DNM2: variants seen among roughly 807,000 people sequenced by gnomAD.
The protein encoded by DNM2 is dynamin 2, also known as dynamin-2.
A neutral mutation model predicts 99.0 loss-of-function variants in DNM2; 15 were observed. That is an observed-to-expected ratio of 0.15 (90% CI 0.10 to 0.23). The LOEUF is 0.23. Ranked by LOEUF, DNM2 falls within the 10% of genes least tolerant of loss-of-function variation. The pLI, the probability that DNM2 is intolerant of heterozygous loss-of-function variation, is 1.00. For synonymous variants in DNM2, 525 were observed against 481.2 expected (o/e 1.09, Z -1.19); for missense variants, 742 against 1,189.4 (o/e 0.62, Z 5.53).
rs45478694 is a variant in DNM2, at chr19:10,796,274, C to T, written c.1196+835C>T. ...CGGGGGTTTGGTATCAGGCTCCCAGCGCCTCATTGGCCCCCACTGGTGCCT... is the reference window on the plus strand; with the variant it reads ...CGGGGGTTTGGTATCAGGCTCCCAGTGCCTCATTGGCCCCCACTGGTGCCT... On this transcript the variant is annotated intron_variant, in intron 9 of 20. Transcript: ENST00000389253. The surrounding 1 kb of genome is among the most constrained non-coding windows in gnomAD (Gnocchi z 5.6). 3.5e-5 allele frequency: 56 copies of T among 1,603,004 alleles called. No homozygotes were observed. Among genetic ancestry groups the T allele is most frequent in the Non-Finnish European group, 4.6e-5 (54 of 1,172,616 alleles).
At chr19:10,786,849 C>A in intron 7 of DNM2, 143 bp downstream of exon 7, 1 of 1,496,742 alleles carries the variant, frequency 6.7e-7, no homozygotes, top group South Asian at 1.2e-5. Context: ...GCGTGCCAGG[C>A]TCCATCCTAA....
chr19:10,783,703 TTA>T (rs1407841576), intron 6 of DNM2, among the ~76,000 whole-genome samples: 132 of 140,656 alleles, frequency 9.4e-4, no homozygotes, highest in African/African-American at 2.3e-3. Context: ...ATTATTATTA[TTA>T]TTTTTTATTT....
intron 7 of DNM2, among the ~76,000 whole-genome samples, chr19:10,791,862 G>A (rs2071764818): frequency 6.6e-6 from 1 of 152,206 alleles, no homozygotes; most frequent in South Asian, 2.1e-4. Context: ...AAGGCGGGCG[G>A]ATCACTTGAG....
chr19:10,760,985 T>C (rs1157750328), intron 2 of DNM2, among the ~76,000 whole-genome samples: 5 of 151,628 alleles, frequency 3.3e-5, no homozygotes, highest in African/African-American at 1.2e-4. Context: ...TTATTTTTTA[T>C]TTTATTTATT....
intron 1 of DNM2, among the ~76,000 whole-genome samples, chr19:10,726,107 T>C (rs1294133402): frequency 6.6e-6 from 1 of 151,714 alleles, no homozygotes; most frequent in African/African-American, 2.4e-5. Flanking sequence ...TAGTCCCAGC[T>C]GCTCGGGAGG....
In DNM2 at chr19:10,818,828, A is replaced by C. The variant is rs974518052; in HGVS notation, c.1672-1152A>C. ...TTGGGTCACAGAGACCTGGCCTCTG[A>C]AGTCCTGCTGTGGCTTGCGCTGCCT... On this transcript the variant is annotated intron_variant, in intron 15 of 20. Coordinates refer to ENST00000389253, the MANE Select transcript of DNM2 (RefSeq NM_001005361.3). This position sits in a 1 kb window ranked among gnomAD's most constrained non-coding sequence, Gnocchi z 4.3. Among the ~76,000 whole-genome samples the C allele has an allele frequency of 2.0e-5, 3 of 152,172 alleles. No homozygotes were observed. The highest frequency in any genetic ancestry group is 7.2e-5 in the African/African-American group (3 of 41,436).
At chr19:10,826,931 A>G (rs962550099) in intron 18 of DNM2, among the ~76,000 whole-genome samples, 1 of 151,930 alleles carries the variant, frequency 6.6e-6, no homozygotes. Context: ...TCAACCACAG[A>G]AACCTGCGGA....
rs1317817438 is a variant in DNM2, at chr19:10,783,098, A to G, written c.827A>G (p.His276Arg). Residue 276 changes from histidine (H) to arginine (R), a missense_variant, in exon 6 of 21, where the codon CAT becomes CGT. By Grantham distance (29) the His-to-Arg change is conservative (BLOSUM62 0). Coordinates refer to ENST00000389253, the MANE Select transcript of DNM2 (RefSeq NM_001005361.3). ...RHMADRMGTP[H>R]LQKTLNQQLT... ...ATGGCCGACCGCATGGGCACGCCACATCTGCAGAAGACGCTGAATCAGGTA... is the reference window on the plus strand; with the variant it reads ...ATGGCCGACCGCATGGGCACGCCACGTCTGCAGAAGACGCTGAATCAGGTA... 3 of 1,612,866 alleles carry G rather than the reference A, an allele frequency of 1.9e-6. No homozygotes were observed. The highest frequency in any genetic ancestry group is 2.7e-5 in the African/African-American group (2 of 74,962).
intron 1 of DNM2, among the ~76,000 whole-genome samples, chr19:10,718,849 TG>T (rs1401567503): frequency 1.3e-5 from 2 of 152,270 alleles, no homozygotes; most frequent in East Asian, 3.9e-4. Context: ...CCCCGCCGTC[TG>T]GTTGGCTGTC....
intron 1 of DNM2, among the ~76,000 whole-genome samples, chr19:10,742,079 G>A (rs2069772966): frequency 1.3e-5 from 2 of 151,758 alleles, no homozygotes; most frequent in African/African-American, 4.8e-5. Flanking sequence ...ATAGCTGCAA[G>A]TATTCCTGGG....
At position 10,794,876 on chromosome 19, in the gene DNM2, T is replaced by A. The variant is rs78994877; in HGVS notation, c.1129-496T>A. ...CAATATGATGAGAGAGTTGGTGTCATGTCATGCTTTCTGAAACTGGGTTTT... is the reference window on the plus strand; with the variant it reads ...CAATATGATGAGAGAGTTGGTGTCAAGTCATGCTTTCTGAAACTGGGTTTT... On this transcript the variant is annotated intron_variant, in intron 8 of 20. Transcript: ENST00000389253. 3.9e-3 allele frequency among the ~76,000 whole-genome samples: 594 copies of A among 152,342 alleles called. 4 individuals carry two copies. The highest frequency in any genetic ancestry group is 0.013 in the African/African-American group (558 of 41,576).
rs1862203120 is a variant in DNM2 at position 10,830,146 on chromosome 19, C to A, written c.2311C>A (p.Pro771Thr). 1.2e-6 allele frequency: 2 copies of A among 1,613,894 alleles called. No homozygotes were observed. The highest frequency in any genetic ancestry group is 8.5e-7 in the Non-Finnish European group (1 of 1,179,838). The stretch of plus-strand genomic sequence containing the variant: ...TCACAGCCCCACTCCACAGCGCCGA[C>A]CGGTGTCCAGCATACACCCCCCTGG... ...SSHSPTPQRRPVSSIHPPGRP... is the reference protein window; with the variant it reads ...SSHSPTPQRRTVSSIHPPGRP... The change falls in exon 20 of 21, where the codon CCG (proline) becomes ACG (threonine). Residue 771 changes from proline to threonine, a missense_variant. Around this residue, in one of 7 missense-constraint regions of DNM2, gnomAD observed 187 missense variants for 218.8 expected, o/e 0.85. Transcript: ENST00000389253. This position sits in a 1 kb window ranked among gnomAD's most constrained non-coding sequence, Gnocchi z 4.8.
At chr19:10,738,301 C>CT (rs1278956915) in intron 1 of DNM2, among the ~76,000 whole-genome samples, 1 of 152,080 alleles carries the variant, frequency 6.6e-6, no homozygotes, top group Non-Finnish European at 1.5e-5. Context: ...GAAGTGGAGA[C>CT]TTTCATTGAG....
chr19:10,753,771 C>G (rs1371711202), intron 1 of DNM2, among the ~76,000 whole-genome samples: 3 of 151,684 alleles, frequency 2.0e-5, no homozygotes, highest in African/African-American at 7.3e-5. Flanking sequence ...ATTCTCCTGT[C>G]TCAGCCTCCT....
chr19:10,756,725 G>A (rs147728112), intron 1 of DNM2, among the ~76,000 whole-genome samples: 3 of 151,906 alleles, frequency 2.0e-5, no homozygotes, highest in African/African-American at 7.2e-5. Flanking sequence ...TCTGTAGGGC[G>A]CTCCCCTCTG....
Position 10,820,185 on chromosome 19 carries a change from C to T in DNM2, c.1781+96C>T. ...CACTGAGCACTGAGCACCTGGCTGT[C>T]AGCAGTCCCTGCCCTTGGGACCCAG... On this transcript the variant is annotated intron_variant, in intron 16 of 20. Transcript: ENST00000389253. The surrounding 1 kb of genome is among the most constrained non-coding windows in gnomAD (Gnocchi z 4.3). The T allele has an allele frequency of 8.2e-7, 1 of 1,216,422 alleles. No homozygotes were observed. The highest frequency in any genetic ancestry group is 1.2e-6 in the Non-Finnish European group (1 of 827,154). The allele number at this position is 1,216,422 out of a possible 1,614,324, so 75.4% of individuals were successfully genotyped here.
At position 10,820,332 on chromosome 19, in the gene DNM2, A is replaced by G. The variant is rs912721766; in HGVS notation, c.1781+243A>G. Reference sequence around the variant, plus strand: ...GGCAGGCTCCGAGTCAGTGGGAGCCATGGAGAGTTCTGAGCACAGGGTGAC... The same window carrying G: ...GGCAGGCTCCGAGTCAGTGGGAGCCGTGGAGAGTTCTGAGCACAGGGTGAC... On this transcript the variant is annotated intron_variant, in intron 16 of 20. Transcript: ENST00000389253. The surrounding 1 kb of genome is among the most constrained non-coding windows in gnomAD (Gnocchi z 4.3). Among the ~76,000 whole-genome samples the G allele has an allele frequency of 6.6e-6, 1 of 152,228 alleles. No homozygotes were observed. Among genetic ancestry groups the G allele is most frequent in the Non-Finnish European group, 1.5e-5 (1 of 68,030 alleles).
In DNM2 at chr19:10,782,965, A is replaced by G; in HGVS notation, c.694A>G (p.Ile232Val). The G allele has an allele frequency of 6.2e-7, 1 of 1,614,066 alleles. No homozygotes were observed. Among genetic ancestry groups the G allele is most frequent in the Middle Eastern group, 1.6e-4 (1 of 6,062 alleles). ...CTGACTGCCTCTCCCCACAGGCTAC[A>G]TTGGCGTGGTGAACCGCAGCCAGAA... ...NKLLPLRRGY[I>V]GVVNRSQKDI... Residue 232 changes from isoleucine to valine, a missense_variant, in exon 6 of 21, where the codon ATT (isoleucine) becomes GTT (valine). Ile to Val is a conservative substitution (Grantham distance 29). This residue lies in a region of DNM2 where 192 missense variants were observed against 358.9 expected (regional missense o/e 0.54). Coordinates refer to ENST00000389253, the MANE Select transcript of DNM2 (RefSeq NM_001005361.3).
chr19:10,727,521 A>G (rs1478406046), intron 1 of DNM2, among the ~76,000 whole-genome samples: 1 of 151,448 alleles, frequency 6.6e-6, no homozygotes, highest in African/African-American at 2.4e-5. Flanking sequence ...GTGCGCCACC[A>G]CCCCCAGCTA....
Sources: gnomAD v4.1 joint callset for allele counts (sites outside exome capture counted in the v4.1 genomes callset) on GRCh38, gnomAD v4.1.1 for gene constraint, gnomAD v4.1.1 regional missense constraint, Gnocchi (gnomAD v3.1) non-coding constraint, MANE v1.5 for transcripts, NCBI Gene and HGNC (gene_info 2026-07-23, HGNC 2026-07-21) for gene names.